ADGRE1: variants seen among roughly 807,000 people sequenced by gnomAD.
ADGRE1 encodes adhesion G protein-coupled receptor E1.
ADGRE1 carries 82 observed loss-of-function variants against 102.7 expected under a neutral mutation model. That is an observed-to-expected ratio of 0.80 (90% CI 0.67 to 0.96). The LOEUF is 0.96. ADGRE1 is among the 40% of genes least tolerant of loss of function. The probability of loss-of-function intolerance (pLI) is 0.00; values close to 1 mark genes in which losing one functional copy is unlikely to be tolerated. For synonymous variants in ADGRE1, 398 were observed against 399.6 expected (o/e 1.00, Z 0.05); for missense variants, 1,032 against 1,085.3 (o/e 0.95, Z 0.69).
chr19:6,901,547 T>TGC (rs1327337208), intron 5 of ADGRE1, among the ~76,000 whole-genome samples: 4 of 152,336 alleles, frequency 2.6e-5, no homozygotes, highest in African/African-American at 9.6e-5. Context: ...TCACATCTCT[T>TGC]ACAATCTACA....
intron 5 of ADGRE1, among the ~76,000 whole-genome samples, chr19:6,899,515 CT>C (rs1360371435): frequency 2.6e-5 from 4 of 151,728 alleles, no homozygotes; most frequent in Non-Finnish European, 4.4e-5. Context: ...CTTGTCGCTA[CT>C]AAAAATACAA....
chr19:6,903,501 C>A (rs1973842074), intron 6 of ADGRE1, among the ~76,000 whole-genome samples: 1 of 152,188 alleles, frequency 6.6e-6, no homozygotes, highest in South Asian at 2.1e-4. Context: ...CTCTCTCCAT[C>A]TTTTGGTTTT....
At chr19:6,919,004 C>T (rs1176257931) in intron 12 of ADGRE1, among the ~76,000 whole-genome samples, 1 of 151,374 alleles carries the variant, frequency 6.6e-6, no homozygotes, top group Admixed American at 6.6e-5. Context: ...GGATTACAGG[C>T]GTGAGCCACT....
chr19:6,936,085 T>G (rs940910593), intron 18 of ADGRE1, among the ~76,000 whole-genome samples: 4 of 152,208 alleles, frequency 2.6e-5, no homozygotes, highest in Non-Finnish European at 5.9e-5. Context: ...TTTGCTTCTT[T>G]TTTCTTCGGT....
chr19:6,930,947 T>C (rs2145017353), intron 17 of ADGRE1, among the ~76,000 whole-genome samples: 1 of 152,266 alleles, frequency 6.6e-6, no homozygotes, highest in South Asian at 2.1e-4. Context: ...CCTCTCCTGG[T>C]TATTTTTAAA....
rs770808541 is a variant in ADGRE1, at chr19:6,926,375, G to T, written c.1996G>T (p.Ala666Ser). ...TGCTTCTCCCCTCCAGATGGGCTGC[G>T]CCATCATCGCGGGCTTCCTGCACTA... ...IHKTDNKMGC[A>S]IIAGFLHYLF... Residue 666 changes from alanine to serine, a missense_variant, in exon 16 of 21, where the codon GCC (alanine) becomes TCC (serine). Coordinates refer to ENST00000312053, the MANE Select transcript of ADGRE1 (RefSeq NM_001974.5). The T allele has an allele frequency of 6.2e-7, 1 of 1,613,982 alleles. No homozygotes were observed.
At chr19:6,928,051 G>A in intron 16 of ADGRE1, 94 bp from the exon 17 acceptor site, 1 of 1,454,806 alleles carries the variant, frequency 6.9e-7, no homozygotes, top group Non-Finnish European at 9.3e-7. Flanking sequence ...TCACCTCCCA[G>A]TGTTCTCCTC....
At chr19:6,926,724 T>C (rs1218809567) in intron 16 of ADGRE1, 123 bp downstream of exon 16, 39 of 943,888 alleles carry the variant, frequency 4.1e-5, no homozygotes, top group Non-Finnish European at 6.1e-5. Context: ...CGAGCTCTTC[T>C]ATTATGTACT....
chr19:6,908,027 T>C (rs943702581), intron 9 of ADGRE1, among the ~76,000 whole-genome samples: 1 of 152,278 alleles, frequency 6.6e-6, no homozygotes, highest in Admixed American at 6.5e-5. Context: ...ATGTTCATGA[T>C]GGCCATAATG....
intron 17 of ADGRE1, among the ~76,000 whole-genome samples, chr19:6,934,231 T>C (rs909119051): frequency 6.6e-6 from 1 of 152,060 alleles, no homozygotes; most frequent in African/African-American, 2.4e-5. Context: ...CGGGGTATCC[T>C]GTGTGATTGG....
chr19:6,894,978 T>C (rs1973498295), intron 2 of ADGRE1: 2 of 152,268 alleles, frequency 1.3e-5, no homozygotes, highest in South Asian at 2.1e-4. Context: ...ATTGTTTCCA[T>C]AGAAACAAAA....
At chr19:6,890,989 TA>T (rs1200219116) in intron 2 of ADGRE1, among the ~76,000 whole-genome samples, 3 of 152,170 alleles carry the variant, frequency 2.0e-5, no homozygotes, top group Non-Finnish European at 2.9e-5. Context: ...TCTTGCTGGA[TA>T]AAGGAAGAAA....
At chr19:6,929,306 C>T (rs1396800109) in intron 17 of ADGRE1, among the ~76,000 whole-genome samples, 2 of 152,140 alleles carry the variant, frequency 1.3e-5, no homozygotes, top group African/African-American at 4.8e-5. Context: ...CAGCAAAGTG[C>T]AACAGATTTT....
In ADGRE1 at chr19:6,926,532, A is replaced by T; in HGVS notation, c.2153A>T (p.Tyr718Phe). Residue 718 changes from tyrosine to phenylalanine, a missense_variant, in exon 16 of 21, where the codon TAT becomes TTT. Transcript: ENST00000312053. ...IKMLHICAFG[Y>F]GLPMLVVVIS... ...ATGCTGCACATCTGTGCCTTTGGTT[A>T]TGGGCTGCCGATGCTGGTGGTGGTG... The T allele has an allele frequency of 6.2e-7, 1 of 1,614,196 alleles. No homozygotes were observed. The highest frequency in any genetic ancestry group is 8.5e-7 in the Non-Finnish European group (1 of 1,180,036).
In ADGRE1 at chr19:6,924,625, T is replaced by TG. The variant is rs61084703; in HGVS notation, c.1792-47dup. The stretch of plus-strand genomic sequence containing the variant: ...GTTTTAGATAACTCTTCTTCCCGCC[T>TG]GGGGGGATTTTGATCCCATTCTCAG... On this transcript the variant is annotated intron_variant, in intron 14 of 20. Coordinates refer to ENST00000312053, the MANE Select transcript of ADGRE1 (RefSeq NM_001974.5). 6,846 of 1,547,088 alleles carry TG rather than the reference T, an allele frequency of 4.4e-3. 278 individuals carry two copies. In the African/African-American group the frequency reaches 0.081, roughly 18 times the overall value.
intron 1 of ADGRE1, among the ~76,000 whole-genome samples, chr19:6,889,341 C>T (rs140924232): frequency 1.1e-4 from 16 of 151,784 alleles, no homozygotes; most frequent in South Asian, 4.2e-4. Context: ...ATAATGATGG[C>T]GATAATGATG....
At chr19:6,888,214 T>C (rs1278665729) in intron 1 of ADGRE1, among the ~76,000 whole-genome samples, 1 of 152,148 alleles carries the variant, frequency 6.6e-6, no homozygotes, top group Non-Finnish European at 1.5e-5. Context: ...CACTATACTA[T>C]GTTGCCCCAA....
At chr19:6,936,299 G>A (rs1386496374) in intron 18 of ADGRE1, among the ~76,000 whole-genome samples, 1 of 151,874 alleles carries the variant, frequency 6.6e-6, no homozygotes, top group Non-Finnish European at 1.5e-5. Flanking sequence ...AGCCGGGCAT[G>A]GTGGTGGGCA....
intron 10 of ADGRE1, among the ~76,000 whole-genome samples, chr19:6,912,340 G>C (rs1342701496): frequency 6.6e-6 from 1 of 152,138 alleles, no homozygotes; most frequent in East Asian, 1.9e-4. Flanking sequence ...AGACTGCCAA[G>C]GTTCAAATCG....
Sources: allele counts gnomAD v4.1 joint callset (sites outside exome capture counted in the v4.1 genomes callset), GRCh38; gene constraint gnomAD v4.1.1; transcripts MANE v1.5; gene names NCBI Gene and HGNC (gene_info 2026-07-23, HGNC 2026-07-21).